Variants in CDH12 observed in about 807,000 individuals in gnomAD.
CDH12 encodes cadherin-12.
CDH12 carries 41 observed loss-of-function variants against 74.1 expected under a neutral mutation model. That is an observed-to-expected ratio of 0.55 (90% CI 0.43 to 0.72). The LOEUF (loss-of-function observed/expected upper bound fraction) is 0.72, where lower values mean the gene tolerates loss of function less well. Ranked by LOEUF, CDH12 falls within the 30% of genes least tolerant of loss-of-function variation. The pLI is 0.00. For synonymous variants in CDH12, 399 were observed against 355.0 expected, an observed-to-expected ratio of 1.12 and a Z score of -1.39; for missense variants, 945 against 977.2, an observed-to-expected ratio of 0.97 and a Z score of 0.44.
At chr5:22,558,659 C>A (rs773828735) in intron 1 of CDH12, among the ~76,000 whole-genome samples, 9 of 151,784 alleles carry the variant, frequency 5.9e-5, no homozygotes, top group Middle Eastern at 3.4e-3. Flanking sequence ...GGGGAAAAAA[C>A]CATAAAACTT....
chr5:22,751,710 ATTTGG>A (rs1388202769), intron 1 of CDH12, among the ~76,000 whole-genome samples: 1 of 152,154 alleles, frequency 6.6e-6, no homozygotes, highest in East Asian at 1.9e-4. Flanking sequence ...TTCTGAAGTT[ATTTGG>A]TTTGGGTATG....
At chr5:21,785,234 G>C (rs1746137356) in intron 10 of CDH12, among the ~76,000 whole-genome samples, 1 of 152,142 alleles carries the variant, frequency 6.6e-6, no homozygotes, top group Admixed American at 6.5e-5. Context: ...TGTGTGTCCT[G>C]ACTGCTTCAC....
intron 3 of CDH12, among the ~76,000 whole-genome samples, chr5:22,370,255 A>T (rs975199753): frequency 6.6e-6 from 1 of 152,160 alleles, no homozygotes; most frequent in Non-Finnish European, 1.5e-5. Flanking sequence ...TTGCTTTAAC[A>T]TATTCCCACT....
chr5:22,192,791 G>A (rs1240912924), intron 4 of CDH12, among the ~76,000 whole-genome samples: 1 of 152,168 alleles, frequency 6.6e-6, no homozygotes, highest in Non-Finnish European at 1.5e-5. Flanking sequence ...AAGTGATAAG[G>A]TTATATTTGT....
intron 5 of CDH12, among the ~76,000 whole-genome samples, chr5:22,000,081 G>A (rs1024838678): frequency 1.3e-5 from 2 of 151,954 alleles, no homozygotes; most frequent in African/African-American, 2.4e-5. Context: ...TTCAGTCACA[G>A]TGTAGAAATG....
chr5:22,686,867 C>T (rs1352650514), intron 1 of CDH12, among the ~76,000 whole-genome samples: 2 of 152,174 alleles, frequency 1.3e-5, no homozygotes, highest in East Asian at 1.9e-4. Context: ...CTCACTATAA[C>T]GCTTGCTGTC....
At chr5:22,101,602 G>T (rs189518470) in intron 4 of CDH12, among the ~76,000 whole-genome samples, 20 of 151,974 alleles carry the variant, frequency 1.3e-4, no homozygotes, top group African/African-American at 4.3e-4. Context: ...TCTTAATAAG[G>T]AACATTAAAG....
chr5:22,478,698 A>G (rs1460520193), intron 2 of CDH12, among the ~76,000 whole-genome samples: 2 of 151,772 alleles, frequency 1.3e-5, no homozygotes, highest in Non-Finnish European at 2.9e-5. Flanking sequence ...TGATGAGGGG[A>G]AAAAAGCCCC....
chr5:21,760,624 G>C lies in CDH12; in HGVS notation c.1567C>G (p.Gln523Glu), dbSNP rs1423922063. Residue 523 changes from glutamine to glutamate, a missense_variant, in exon 13 of 15, where the codon CAA becomes GAA. Gln to Glu is a conservative substitution (Grantham distance 29). Coordinates refer to ENST00000382254, the MANE Select transcript of CDH12 (RefSeq NM_004061.5). ...ADRDLSPAGQ[Q>E]FSFRLSPEAA... Reference sequence around the variant, plus strand: ...TCAGGTGATAATCTAAAGGAGAATTGTTGCCCAGCAGGTGAAAGATCTCGG... The same window carrying C: ...TCAGGTGATAATCTAAAGGAGAATTCTTGCCCAGCAGGTGAAAGATCTCGG... 6.2e-7 allele frequency: 1 copy of C among 1,612,074 alleles called. No individual in the cohort carries two copies. Among genetic ancestry groups the C allele is most frequent in the South Asian group, 1.1e-5 (1 of 90,982 alleles).
At chr5:22,594,998 T>C (rs2126804483) in intron 1 of CDH12, among the ~76,000 whole-genome samples, 1 of 152,314 alleles carries the variant, frequency 6.6e-6, no homozygotes, top group Admixed American at 6.5e-5. Context: ...TAAATAATTA[T>C]TTCCACCATC....
intron 1 of CDH12, among the ~76,000 whole-genome samples, chr5:22,645,111 G>A (rs992298652): frequency 5.3e-5 from 8 of 152,028 alleles, no homozygotes; most frequent in African/African-American, 1.9e-4. Flanking sequence ...CTTTCAAGTA[G>A]TATTATTTAA....
chr5:22,734,841 C>T (rs1053515243), intron 1 of CDH12, among the ~76,000 whole-genome samples: 1 of 151,886 alleles, frequency 6.6e-6, no homozygotes, highest in Admixed American at 6.6e-5. Context: ...ATAGCCACAA[C>T]ATAACATTGT....
At position 22,232,264 on chromosome 5, in the gene CDH12, C is replaced by T. The variant is rs192529750; in HGVS notation, c.-332-19621G>A. ...GAAAACCCCTCCTAAAAATTTTAAACGTTTTCCTAAGAACGATATGTAACA... is the reference window on the plus strand; with the variant it reads ...GAAAACCCCTCCTAAAAATTTTAAATGTTTTCCTAAGAACGATATGTAACA... On this transcript the variant is annotated intron_variant, in intron 3 of 14. Transcript: ENST00000382254. Among the ~76,000 whole-genome samples the T allele has an allele frequency of 1.7e-3, 258 of 151,772 alleles. 1 individual carries two copies. The highest frequency in any genetic ancestry group is 6.0e-3 in the African/African-American group (248 of 41,478).
intron 3 of CDH12, among the ~76,000 whole-genome samples, chr5:22,251,140 A>G (rs1753117382): frequency 6.6e-6 from 1 of 152,176 alleles, no homozygotes; most frequent in Non-Finnish European, 1.5e-5. Flanking sequence ...GGCAGATAAA[A>G]AGCTCATGGT....
chr5:21,929,973 A>T (rs1205383825), intron 6 of CDH12, among the ~76,000 whole-genome samples: 1 of 152,170 alleles, frequency 6.6e-6, no homozygotes, highest in Non-Finnish European at 1.5e-5. Context: ...ACTCATTTTG[A>T]GTATCAGATG....
rs1431925610 is a variant in CDH12, at chr5:22,402,880, T to C, written c.-333+2377A>G. Among the ~76,000 whole-genome samples, 3 of 152,196 alleles carry C rather than the reference T, an allele frequency of 2.0e-5. No individual in the cohort carries two copies. The East Asian group carries it at 5.8e-4, about 29-fold the overall frequency. On this transcript the variant is annotated intron_variant, in intron 3 of 14. Transcript: ENST00000382254. ...ATGGTGCAGATCACTTCATACATAG[T>C]AGACCCACAATGTTTTTGAAAATGT...
At chr5:22,691,294 C>G (rs111591445) in intron 1 of CDH12, among the ~76,000 whole-genome samples, 10 of 152,234 alleles carry the variant, frequency 6.6e-5, no homozygotes, top group African/African-American at 2.2e-4. Context: ...TAACTATGAG[C>G]TAGATGATAT....
intron 3 of CDH12, among the ~76,000 whole-genome samples, chr5:22,259,476 T>C (rs1376721753): frequency 6.6e-6 from 1 of 152,044 alleles, no homozygotes; most frequent in Admixed American, 6.6e-5. Flanking sequence ...TCAAATAAGA[T>C]AGTAAAAATG....
At chr5:22,298,154 T>C (rs1251331548) in intron 3 of CDH12, among the ~76,000 whole-genome samples, 5 of 150,100 alleles carry the variant, frequency 3.3e-5, no homozygotes, top group Admixed American at 6.7e-5. Flanking sequence ...ATATTATATA[T>C]ATTTCTCACT....
Sources: gnomAD v4.1 joint callset for allele counts (sites outside exome capture counted in the v4.1 genomes callset) on GRCh38, gnomAD v4.1.1 for gene constraint, MANE v1.5 for transcripts, NCBI Gene and HGNC (gene_info 2026-07-23, HGNC 2026-07-21) for gene names.